GRID1: variants seen among roughly 807,000 people sequenced by gnomAD.
The protein encoded by GRID1 is glutamate receptor ionotropic, delta-1.
GRID1 carries 28 observed loss-of-function variants against 98.0 expected under a neutral mutation model. The ratio of observed to expected loss-of-function variants is 0.29; its 90% CI spans 0.21 to 0.39. The LOEUF (loss-of-function observed/expected upper bound fraction) is 0.39, where lower values mean the gene tolerates loss of function less well. Ranked by LOEUF, GRID1 falls within the 10% of genes least tolerant of loss-of-function variation. The probability of loss-of-function intolerance (pLI) is 1.00; values close to 1 mark genes in which losing one functional copy is unlikely to be tolerated. For missense variants in GRID1, 1,111 were observed against 1,340.5 expected (o/e 0.83, Z 2.67); for synonymous variants, 553 against 538.5 (o/e 1.03, Z -0.37).
At chr10:86,252,263 A>G (rs1846847581) in intron 2 of GRID1, among the ~76,000 whole-genome samples, 1 of 152,218 alleles carries the variant, frequency 6.6e-6, no homozygotes, top group Non-Finnish European at 1.5e-5. Flanking sequence ...TATCACGCCC[A>G]GCCTGCAGTG....
intron 4 of GRID1, among the ~76,000 whole-genome samples, chr10:86,129,372 C>T (rs1466515205): frequency 6.6e-6 from 1 of 152,202 alleles, no homozygotes; most frequent in Non-Finnish European, 1.5e-5. Flanking sequence ...CCCAACAGCA[C>T]ATAGTAGAAA....
chr10:85,654,554 T>C (rs1283030803), intron 12 of GRID1, among the ~76,000 whole-genome samples: 1 of 152,182 alleles, frequency 6.6e-6, no homozygotes, highest in Non-Finnish European at 1.5e-5. Flanking sequence ...ATCCTCTATG[T>C]CCACCCTTCC....
chr10:86,008,387 A>G (rs1842888229), intron 4 of GRID1, among the ~76,000 whole-genome samples: 1 of 152,352 alleles, frequency 6.6e-6, no homozygotes, highest in African/African-American at 2.4e-5. Context: ...AAAAAACTGT[A>G]TAGAATAAAT....
chr10:85,863,922 A>T (rs1162355367), intron 6 of GRID1, among the ~76,000 whole-genome samples: 1 of 152,250 alleles, frequency 6.6e-6, no homozygotes, highest in Non-Finnish European at 1.5e-5. Context: ...GAGGAGAAGG[A>T]AGATGAATCA....
In GRID1 at chr10:86,255,789, G is replaced by A. The variant is rs1023247286; in HGVS notation, c.236-49141C>T. Among the ~76,000 whole-genome samples the A allele has an allele frequency of 3.3e-5, 5 of 152,102 alleles. No individual in the cohort carries two copies. In the East Asian group the frequency reaches 5.8e-4, roughly 18 times the overall value. ...GCACTCACTTGTGCTGGGCTGAGTC[G>A]GCAGGTGGACAGACCACTTGAGCAG... On this transcript the variant is annotated intron_variant, in intron 2 of 15. Transcript: ENST00000327946.
intron 4 of GRID1, among the ~76,000 whole-genome samples, chr10:86,136,177 G>A (rs541691265): frequency 1.2e-4 from 18 of 152,318 alleles, no homozygotes; most frequent in Admixed American, 7.2e-4. Flanking sequence ...GGAAGGCTTC[G>A]TGCAGGGACA....
chr10:85,773,487 G>C (rs1401770090), intron 8 of GRID1, among the ~76,000 whole-genome samples: 3 of 152,214 alleles, frequency 2.0e-5, no homozygotes, highest in South Asian at 2.1e-4. Context: ...AATTAGGCAA[G>C]AGAAGGAAAT....
chr10:85,950,671 G>A (rs769013177), intron 4 of GRID1, among the ~76,000 whole-genome samples: 1 of 152,062 alleles, frequency 6.6e-6, no homozygotes, highest in Non-Finnish European at 1.5e-5. Flanking sequence ...TAATCAGTTC[G>A]CAAATCCAGC....
At chr10:86,308,418 G>T (rs1008899837) in intron 2 of GRID1, among the ~76,000 whole-genome samples, 4 of 152,206 alleles carry the variant, frequency 2.6e-5, no homozygotes, top group African/African-American at 9.7e-5. Flanking sequence ...TGACAGATTG[G>T]AGAGGCAAGG....
chr10:86,079,207 C>T (rs556874959), intron 4 of GRID1, among the ~76,000 whole-genome samples: 17 of 152,362 alleles, frequency 1.1e-4, no homozygotes, highest in Non-Finnish European at 2.5e-4. Context: ...AGCTGAGTCA[C>T]AGCAGCCTCC....
chr10:86,113,862 A>G (rs1316506454), intron 4 of GRID1, among the ~76,000 whole-genome samples: 1 of 152,238 alleles, frequency 6.6e-6, no homozygotes, highest in African/African-American at 2.4e-5. Context: ...TCCAGAACTA[A>G]TGGGTAGAAG....
chr10:85,847,618 A>C (rs1284915549), intron 8 of GRID1, among the ~76,000 whole-genome samples: 1 of 152,216 alleles, frequency 6.6e-6, no homozygotes, highest in Non-Finnish European at 1.5e-5. Flanking sequence ...CTGCTGTATA[A>C]ATGGTAGTAG....
At chr10:85,736,686 G>A (rs1259412696) in intron 8 of GRID1, among the ~76,000 whole-genome samples, 1 of 152,076 alleles carries the variant, frequency 6.6e-6, no homozygotes, top group Non-Finnish European at 1.5e-5. Context: ...CTATTGGAAA[G>A]CAAATGGGCT....
At chr10:85,938,897 T>A (rs544031560) in intron 4 of GRID1, among the ~76,000 whole-genome samples, 2 of 152,338 alleles carry the variant, frequency 1.3e-5, no homozygotes, top group East Asian at 3.9e-4. Context: ...TGAAAGTATA[T>A]TAAGTAAAAT....
intron 8 of GRID1, among the ~76,000 whole-genome samples, chr10:85,748,018 A>G (rs1217225325): frequency 6.6e-6 from 1 of 152,022 alleles, no homozygotes; most frequent in African/African-American, 2.4e-5. Flanking sequence ...ATTAGAGGGG[A>G]CTCTGTTTCT....
At chr10:85,641,876 G>C (rs1484937395) in intron 13 of GRID1, among the ~76,000 whole-genome samples, 1 of 152,204 alleles carries the variant, frequency 6.6e-6, no homozygotes, top group Non-Finnish European at 1.5e-5. Flanking sequence ...CTATTCAACG[G>C]TGCAGAGCTG....
intron 4 of GRID1, among the ~76,000 whole-genome samples, chr10:86,057,613 A>G (rs972996930): frequency 6.6e-6 from 1 of 152,060 alleles, no homozygotes. Context: ...CTCGACTAAC[A>G]TCCCTCAGCA....
intron 4 of GRID1, among the ~76,000 whole-genome samples, chr10:86,115,491 C>G (rs150451147): frequency 1.3e-5 from 2 of 152,202 alleles, no homozygotes; most frequent in Non-Finnish European, 2.9e-5. Context: ...GCTAGGCACA[C>G]CTTTAAGTGC....
chr10:85,856,784 T>TCCAAAAG (rs1274465361), intron 6 of GRID1, among the ~76,000 whole-genome samples: 54 of 152,344 alleles, frequency 3.5e-4, no homozygotes, highest in African/African-American at 1.3e-3. Context: ...AGAGGCAATA[T>TCCAAAAG]ACTGGATTTG....
Sources: gnomAD v4.1 joint callset for allele counts (sites outside exome capture counted in the v4.1 genomes callset) on GRCh38, gnomAD v4.1.1 for gene constraint, MANE v1.5 for transcripts, NCBI Gene and HGNC (gene_info 2026-07-23, HGNC 2026-07-21) for gene names.